The following CNTN5 variants were observed in gnomAD, a reference collection of about 807,000 sequenced individuals.
CNTN5 encodes contactin-5.
A neutral mutation model predicts 129.1 loss-of-function variants in CNTN5; 77 were observed. That is an observed-to-expected ratio of 0.60 (90% CI 0.50 to 0.72). The LOEUF (loss-of-function observed/expected upper bound fraction) is 0.72. Among genes scored for constraint, CNTN5 ranks in the 30% least tolerant of loss-of-function variants. CNTN5 has a pLI of 0.00. For missense variants in CNTN5, 1,478 were observed against 1,328.8 expected (o/e 1.11, Z -1.75); for synonymous variants, 509 against 465.6 (o/e 1.09, Z -1.20).
chr11:99,328,118 C>T (rs1865857146), intron 2 of CNTN5, among the ~76,000 whole-genome samples: 2 of 152,152 alleles, frequency 1.3e-5, no homozygotes, highest in African/African-American at 4.8e-5. Context: ...ATCTTTAAAG[C>T]TCTTGACAAT....
chr11:99,492,563 A>T (rs1453238651), intron 2 of CNTN5, among the ~76,000 whole-genome samples: 2 of 152,118 alleles, frequency 1.3e-5, no homozygotes, highest in African/African-American at 4.8e-5. Flanking sequence ...CTAGTTTATT[A>T]TTACTATTAA....
At position 100,104,801 on chromosome 11, in the gene CNTN5, T is replaced by C. The variant is rs1480528711; in HGVS notation, c.1580+30507T>C. On this transcript the variant is annotated intron_variant, in intron 13 of 24. Transcript: ENST00000524871. ...CTACTAGTTTTATACCTGAATATGC[T>C]TACTGTACTATTCCCTTTTTAACTA... is the stretch of plus-strand genomic sequence containing the variant. Among the ~76,000 whole-genome samples the C allele has an allele frequency of 2.0e-5, 3 of 152,268 alleles. No homozygotes were observed. In the South Asian group the frequency reaches 6.2e-4, roughly 32 times the overall value.
At chr11:100,240,874 G>A (rs950853343) in intron 16 of CNTN5, among the ~76,000 whole-genome samples, 1 of 152,198 alleles carries the variant, frequency 6.6e-6, no homozygotes, top group African/African-American at 2.4e-5. Flanking sequence ...TGATAGGTTT[G>A]TGAAAATAAG....
Position 100,237,188 on chromosome 11 carries a change from C to CAA in CNTN5, c.2005+12395_2005+12396dup, listed in dbSNP as rs397977189. ...TGGGCGACAGAGCAAGACTCCGTCT[C>CAA]AAAAAAAAAAAAAAAAAAAAGAAAA... On this transcript the variant is annotated intron_variant, in intron 16 of 24. Transcript: ENST00000524871. Among the ~76,000 whole-genome samples the CAA allele has an allele frequency of 4.0e-3, 282 of 71,018 alleles. 3 individuals are homozygous for CAA. Among genetic ancestry groups the CAA allele is most frequent in the African/African-American group, 8.4e-3 (172 of 20,362 alleles). 46.6% of individuals were successfully genotyped at this position (71,018 alleles called of 152,430 possible).
chr11:99,367,811 T>C (rs992942827), intron 2 of CNTN5, among the ~76,000 whole-genome samples: 1 of 152,104 alleles, frequency 6.6e-6, no homozygotes. Flanking sequence ...AGAACACCAG[T>C]ACCTAGCTAT....
At chr11:99,666,463 T>G (rs901620634) in intron 3 of CNTN5, among the ~76,000 whole-genome samples, 3 of 152,128 alleles carry the variant, frequency 2.0e-5, no homozygotes, top group Non-Finnish European at 2.9e-5. Context: ...CATTGCTTCC[T>G]TTGCTTTCCT....
At chr11:99,118,472 C>T (rs1027391759) in intron 1 of CNTN5, among the ~76,000 whole-genome samples, 6 of 151,984 alleles carry the variant, frequency 3.9e-5, no homozygotes, top group African/African-American at 1.2e-4. Context: ...TTCACATACT[C>T]AGTGGGTCTT....
chr11:99,840,040 A>G (rs1244354246), intron 4 of CNTN5, among the ~76,000 whole-genome samples: 1 of 152,114 alleles, frequency 6.6e-6, no homozygotes, highest in East Asian at 1.9e-4. Flanking sequence ...ATCCCTCAAA[A>G]TTATTGATAT....
intron 7 of CNTN5, among the ~76,000 whole-genome samples, chr11:99,923,757 GTCTATCTATCTATCTATCTA>G (rs11271049): frequency 7.1e-6 from 1 of 140,590 alleles, no homozygotes; most frequent in Non-Finnish European, 1.5e-5. Context: ...CTATCTGTCT[GTCTATCTATCTATCTATCTA>G]TCTATCTATC....
At chr11:99,455,623 A>G (rs1449538398) in intron 2 of CNTN5, among the ~76,000 whole-genome samples, 1 of 152,122 alleles carries the variant, frequency 6.6e-6, no homozygotes, top group Non-Finnish European at 1.5e-5. Context: ...ACCAAATTCA[A>G]TACTGAAGTC....
At chr11:99,055,757 C>A (rs180836448) in intron 1 of CNTN5, among the ~76,000 whole-genome samples, 95 of 152,036 alleles carry the variant, frequency 6.2e-4, no homozygotes, top group Non-Finnish European at 1.3e-3. Flanking sequence ...TGCATGCTGC[C>A]CCTAAGCTTA....
In CNTN5 at chr11:99,719,178, G is replaced by A. The variant is rs140122537; in HGVS notation, c.56-100366G>A. 1.9e-3 allele frequency among the ~76,000 whole-genome samples: 290 copies of A among 152,002 alleles called. 5 individuals carry two copies. Among genetic ancestry groups the A allele is most frequent in the Non-Finnish European group, 1.8e-4 (12 of 67,992 alleles). Reference sequence around the variant, plus strand: ...TAGTAAGAATACAAAAATTAGCTGGGTGTGGTGGCACACACTTCTAGTCCC... The same window carrying A: ...TAGTAAGAATACAAAAATTAGCTGGATGTGGTGGCACACACTTCTAGTCCC... On this transcript the variant is annotated intron_variant, in intron 3 of 24. Coordinates refer to ENST00000524871, the MANE Select transcript of CNTN5 (RefSeq NM_014361.4).
chr11:100,094,236 C>T (rs1040976867), intron 13 of CNTN5, among the ~76,000 whole-genome samples: 4 of 152,042 alleles, frequency 2.6e-5, no homozygotes, highest in South Asian at 2.1e-4. Context: ...CTCTCAGGTG[C>T]TCCCACTTGA....
At chr11:99,765,147 C>A (rs1361599321) in intron 3 of CNTN5, among the ~76,000 whole-genome samples, 1 of 151,500 alleles carries the variant, frequency 6.6e-6, no homozygotes, top group East Asian at 1.9e-4. Context: ...ACTTTTTGAC[C>A]CAAGAAACTG....
At chr11:99,289,253 A>C (rs1451769674) in intron 1 of CNTN5, among the ~76,000 whole-genome samples, 1 of 151,790 alleles carries the variant, frequency 6.6e-6, no homozygotes, top group East Asian at 1.9e-4. Flanking sequence ...CTTATGGTTC[A>C]TTAATTTTTG....
At chr11:99,041,846 C>T (rs1012632581) in intron 1 of CNTN5, among the ~76,000 whole-genome samples, 4 of 152,086 alleles carry the variant, frequency 2.6e-5, no homozygotes, top group Non-Finnish European at 4.4e-5. Flanking sequence ...CTGATAAGCC[C>T]TAATCTGGCC....
In CNTN5 at chr11:100,164,844, C is replaced by T. The variant is rs191282143; in HGVS notation, c.1581-26282C>T. Among the ~76,000 whole-genome samples, 436 of 151,924 alleles carry T rather than the reference C, an allele frequency of 2.9e-3. 1 individual carries two copies. The highest frequency in any genetic ancestry group is 3.9e-3 in the Non-Finnish European group (264 of 67,856). On this transcript the variant is annotated intron_variant, in intron 13 of 24. Coordinates refer to ENST00000524871, the MANE Select transcript of CNTN5 (RefSeq NM_014361.4). ...TTTAGTTACTTGCTTGCACAAGTTG[C>T]ATAACTTTTCTTACTAATTTGTAAA...
rs1288812439 is a variant in CNTN5 at position 99,533,824 on chromosome 11, T to TA, written c.-70-22320dup. Among the ~76,000 whole-genome samples the TA allele has an allele frequency of 9.2e-5, 14 of 152,156 alleles. 1 individual carries two copies. Among genetic ancestry groups the TA allele is most frequent in the Non-Finnish European group, 1.8e-4 (12 of 68,020 alleles). Reference sequence around the variant, plus strand: ...GAATATTAGCTTTTAGCGAACTGGATAGAGACTGAGATAGCCGGGGCTGTG... The same window carrying TA: ...GAATATTAGCTTTTAGCGAACTGGATAAGAGACTGAGATAGCCGGGGCTGTG... On this transcript the variant is annotated intron_variant, in intron 2 of 24. Coordinates refer to ENST00000524871, the MANE Select transcript of CNTN5 (RefSeq NM_014361.4).
intron 6 of CNTN5, among the ~76,000 whole-genome samples, chr11:99,847,389 T>C (rs981014156): frequency 6.6e-6 from 1 of 152,244 alleles, no homozygotes; most frequent in South Asian, 2.1e-4. Flanking sequence ...ATCTTACCTA[T>C]TTAGCATGAA....
Sources: gnomAD v4.1 joint callset for allele counts (sites outside exome capture counted in the v4.1 genomes callset) on GRCh38, gnomAD v4.1.1 for gene constraint, MANE v1.5 for transcripts, NCBI Gene and HGNC (gene_info 2026-07-23, HGNC 2026-07-21) for gene names.